Variants in FLT3 observed in about 807,000 individuals in gnomAD.
FLT3 encodes fms related receptor tyrosine kinase 3.
Under a neutral mutation model 126.6 loss-of-function variants are expected in FLT3, and 46 were observed. That is an observed-to-expected ratio of 0.36 (90% CI 0.29 to 0.46). FLT3 has a LOEUF of 0.46. FLT3 is among the 20% of genes least tolerant of loss of function. The pLI is 1.00. For missense variants in FLT3, 1,069 were observed against 1,190.3 expected, an observed-to-expected ratio of 0.90 and a Z score of 1.50; for synonymous variants, 404 against 434.4, an observed-to-expected ratio of 0.93 and a Z score of 0.87.
intron 1 of FLT3, among the ~76,000 whole-genome samples, chr13:28,099,080 G>C (rs1457821687): frequency 4.6e-5 from 7 of 151,992 alleles, no homozygotes; most frequent in Non-Finnish European, 1.0e-4. Flanking sequence ...TATTTACTGT[G>C]TGCCAATTAT....
At chr13:28,064,013 T>C (rs868494130) in intron 2 of FLT3, among the ~76,000 whole-genome samples, 39 of 152,146 alleles carry the variant, frequency 2.6e-4, no homozygotes, top group African/African-American at 9.4e-4. Context: ...GGTACATGCC[T>C]GTAGTTCCAG....
At chr13:28,073,038 A>C (rs1877663616) in intron 1 of FLT3, among the ~76,000 whole-genome samples, 2 of 150,918 alleles carry the variant, frequency 1.3e-5, no homozygotes, top group African/African-American at 4.9e-5. Flanking sequence ...AAATATGCTT[A>C]TCTCTTTAAA....
At position 28,035,514 on chromosome 13, in the gene FLT3, C is replaced by G. The variant is rs58490213; in HGVS notation, c.1578G>C (p.Thr526=). 2.6e-3 allele frequency: 4,190 copies of G among 1,613,058 alleles called. 75 individuals are homozygous for G. The African/African-American group carries it at 0.045, about 17-fold the overall frequency. The change falls in exon 12 of 24, where the codon ACG becomes ACC. Residue 526 remains threonine (T), a synonymous_variant. Coordinates refer to ENST00000241453, the MANE Select transcript of FLT3 (RefSeq NM_004119.3). The part of the protein sequence containing the change: ...AYNSLGTSCE[T]ILLNSPGPFP... The stretch of plus-strand genomic sequence containing the variant: ...TTGTACCTGGAGAGTTTAAAAGGAT[C>G]GTCTCACAAGATGTGCCAAGGGAAT...
At chr13:28,045,742 T>G (rs1402650624) in intron 9 of FLT3, among the ~76,000 whole-genome samples, 1 of 151,292 alleles carries the variant, frequency 6.6e-6, no homozygotes, top group Non-Finnish European at 1.5e-5. Context: ...GCACCTATAA[T>G]CCCAGCTACT....
chr13:28,027,130 T>C lies in FLT3; in HGVS notation c.2165A>G (p.Asn722Ser), dbSNP rs773983010. 8.7e-6 allele frequency: 14 copies of C among 1,613,896 alleles called. No individual in the cohort carries two copies. The highest frequency in any genetic ancestry group is 1.1e-5 in the Non-Finnish European group (13 of 1,179,940). Reference protein sequence around the residue: ...RTWTEIFKEHNFSFYPTFQSH... With the variant: ...RTWTEIFKEHSFSFYPTFQSH... ...TTGGAAAGTGGGGTAAAAACTGAAA[T>C]TGTGTTCCTTGAAAATCTCTGTCCA... Residue 722 changes from asparagine to serine, a missense_variant, in exon 17 of 24, where the codon AAT becomes AGT. Transcript: ENST00000241453.
chr13:28,083,350 G>A (rs77117752), intron 1 of FLT3, among the ~76,000 whole-genome samples: 5,706 of 152,094 alleles, frequency 0.038, 341 homozygotes, highest in African/African-American at 0.13. Context: ...AAACATCAGC[G>A]GGACATCACC....
chr13:28,056,580 C>A (rs1876021030), intron 4 of FLT3, among the ~76,000 whole-genome samples: 1 of 152,152 alleles, frequency 6.6e-6, no homozygotes, highest in Non-Finnish European at 1.5e-5. Context: ...GGGGACGAAA[C>A]AAGGAGAAGC....
rs182411742 is a variant in FLT3 at position 28,003,828 on chromosome 13, A to G, written c.*224T>C. On this transcript the variant is annotated 3_prime_UTR_variant, in exon 24 of 24. Transcript: ENST00000241453. ...GCCTTGGATGCAGATCAATGCTCCA[A>G]TAAAGTTCATTATCAGCTCCTCCTG... 58 of 563,844 alleles carry G rather than the reference A, an allele frequency of 1.0e-4. No individual in the cohort carries two copies. In the East Asian group the frequency reaches 1.4e-3, roughly 13 times the overall value. 34.9% of individuals were successfully genotyped at this position (563,844 alleles called of 1,614,324 possible).
intron 1 of FLT3, among the ~76,000 whole-genome samples, chr13:28,097,726 C>G (rs1309669905): frequency 1.3e-5 from 2 of 152,182 alleles, no homozygotes; most frequent in Non-Finnish European, 2.9e-5. Context: ...CTGAGTGTCC[C>G]TTCCCTCCAC....
At position 28,077,063 on chromosome 13, in the gene FLT3, GAAGAAAGAA is replaced by G. The variant is rs1174851906; in HGVS notation, c.44-6460_44-6452del. Among the ~76,000 whole-genome samples, 1,116 of 143,416 alleles carry G rather than the reference GAAGAAAGAA, an allele frequency of 7.8e-3. 7 individuals are homozygous for G. The highest frequency in any genetic ancestry group is 0.013 in the Non-Finnish European group (850 of 65,568). 94.1% of individuals were successfully genotyped at this position (143,416 alleles called of 152,430 possible). On this transcript the variant is annotated intron_variant, in intron 1 of 23. Transcript: ENST00000241453. Reference sequence around the variant, plus strand: ...AGAGAGAGGAAGGAAGGAAGGGAAAGAAGAAAGAAAAGAAAGAAAGAAAGAAAAAGAGAA... The same window carrying G: ...AGAGAGAGGAAGGAAGGAAGGGAAAGAAGAAAGAAAGAAAGAAAAAGAGAA...
At chr13:28,069,213 G>A (rs1032634591) in intron 2 of FLT3, among the ~76,000 whole-genome samples, 5 of 152,134 alleles carry the variant, frequency 3.3e-5, no homozygotes, top group Admixed American at 2.6e-4. Flanking sequence ...ATATCACTGT[G>A]ATTATGAGGG....
At chr13:28,065,396 CT>C (rs1360100209) in intron 2 of FLT3, among the ~76,000 whole-genome samples, 1 of 152,106 alleles carries the variant, frequency 6.6e-6, no homozygotes, top group Non-Finnish European at 1.5e-5. Flanking sequence ...AATCCCAGGA[CT>C]TTGTGAGGCC....
chr13:28,091,252 C>T (rs60649910), intron 1 of FLT3, among the ~76,000 whole-genome samples: 1,433 of 100,120 alleles, frequency 0.014, 39 homozygotes, highest in African/African-American at 0.052. Context: ...GACGGAGTCT[C>T]GCTCTGTCGC....
chr13:28,071,056 G>A (rs960764384), intron 1 of FLT3, among the ~76,000 whole-genome samples: 11 of 144,322 alleles, frequency 7.6e-5, no homozygotes, highest in African/African-American at 2.3e-4. Flanking sequence ...GTGCAGTGGC[G>A]CGTTCTTGGC....
intron 16 of FLT3, 81 bp downstream of exon 16, chr13:28,028,089 AAGAGAGAG>A (rs35884842): frequency 4.5e-5 from 26 of 581,226 alleles, no homozygotes; most frequent in Middle Eastern, 2.8e-4. Context: ...AAGAATTAAA[AAGAGAGAG>A]AGAGAGAGAG....
At position 28,100,347 on chromosome 13, in the gene FLT3, A is replaced by AAGGAGCGAGCGCGGGG. The variant is rs1879743623; in HGVS notation, c.43+105_43+120dup. 2 of 643,582 alleles carry AAGGAGCGAGCGCGGGG rather than the reference A, an allele frequency of 3.1e-6. No individual in the cohort carries two copies. The highest frequency in any genetic ancestry group is 3.8e-5 in the African/African-American group (2 of 52,042). 39.9% of individuals were successfully genotyped at this position (643,582 alleles called of 1,614,324 possible). On this transcript the variant is annotated intron_variant, in intron 1 of 23. Coordinates refer to ENST00000241453, the MANE Select transcript of FLT3 (RefSeq NM_004119.3). The surrounding 1 kb of genome is among the most constrained non-coding windows in gnomAD (Gnocchi z 4.8). ...AGGGGAGGGGCGCGGGAGGCAATGGAAGGAGCGAGCGCGGGGAGGAGCGAG... is the reference window on the plus strand; with the variant it reads ...AGGGGAGGGGCGCGGGAGGCAATGGAAGGAGCGAGCGCGGGGAGGAGCGAGCGCGGGGAGGAGCGAG...
At chr13:28,006,973 T>G (rs977312618) in intron 23 of FLT3, among the ~76,000 whole-genome samples, 1 of 152,120 alleles carries the variant, frequency 6.6e-6, no homozygotes, top group Non-Finnish European at 1.5e-5. Flanking sequence ...ACTCCTGGCC[T>G]CAAGTGATCC....
intron 15 of FLT3, among the ~76,000 whole-genome samples, chr13:28,030,313 G>A (rs1873205058): frequency 6.6e-6 from 1 of 152,150 alleles, no homozygotes; most frequent in South Asian, 2.1e-4. Flanking sequence ...ACTTGTTCAT[G>A]TCCTATTCCT....
chr13:28,038,368 GA>G (rs1289416298), intron 9 of FLT3, among the ~76,000 whole-genome samples: 2 of 151,186 alleles, frequency 1.3e-5, no homozygotes, highest in African/African-American at 2.4e-5. Flanking sequence ...TGGAGAAAAA[GA>G]AAAAAATTCC....
Sources: gnomAD v4.1 joint callset for allele counts (sites outside exome capture counted in the v4.1 genomes callset) on GRCh38, gnomAD v4.1.1 for gene constraint, Gnocchi (gnomAD v3.1) non-coding constraint, MANE v1.5 for transcripts, NCBI Gene and HGNC (gene_info 2026-07-23, HGNC 2026-07-21) for gene names.